The following MAP2 variants were observed in gnomAD, a reference collection of about 807,000 sequenced individuals.
The protein encoded by MAP2 is microtubule associated protein 2.
Under a neutral mutation model 137.6 loss-of-function variants are expected in MAP2, and 14 were observed. The ratio of observed to expected loss-of-function variants is 0.10; its 90% CI spans 0.07 to 0.16. The LOEUF (loss-of-function observed/expected upper bound fraction) is 0.16, where lower values mean the gene tolerates loss of function less well. Ranked by LOEUF, MAP2 falls within the 10% of genes least tolerant of loss-of-function variation. The pLI is 1.00. For missense variants in MAP2, 2,088 were observed against 2,191.5 expected, an observed-to-expected ratio of 0.95 and a Z score of 0.94; for synonymous variants, 786 against 782.3, an observed-to-expected ratio of 1.00 and a Z score of -0.08.
intron 5 of MAP2, among the ~76,000 whole-genome samples, chr2:209,667,389 CT>C (rs970283842): frequency 2.2e-4 from 34 of 151,778 alleles, no homozygotes; most frequent in Admixed American, 4.6e-4. Context: ...GGGGTGGTCT[CT>C]GTAAAAGTTG....
At chr2:209,507,054 C>G (rs2061160348) in intron 1 of MAP2, among the ~76,000 whole-genome samples, 2 of 152,094 alleles carry the variant, frequency 1.3e-5, no homozygotes, top group South Asian at 4.2e-4. Context: ...TATAAAGGCA[C>G]AGTCCACTTT....
intron 5 of MAP2, among the ~76,000 whole-genome samples, chr2:209,672,226 A>G (rs1485448195): frequency 2.6e-5 from 4 of 151,800 alleles, no homozygotes; most frequent in Non-Finnish European, 2.9e-5. Context: ...AGTTTAAATA[A>G]TAAGTGGCAG....
At chr2:209,691,041 T>G (rs2058719663) in intron 7 of MAP2, among the ~76,000 whole-genome samples, 1 of 152,222 alleles carries the variant, frequency 6.6e-6, no homozygotes, top group Admixed American at 6.5e-5. Context: ...TTTCCAGTGC[T>G]GCAGCTGATT....
chr2:209,653,291 C>G lies in MAP2; in HGVS notation c.121C>G (p.Leu41Val). 1 of 1,614,146 alleles carries G rather than the reference C, an allele frequency of 6.2e-7. No homozygotes were observed. The highest frequency in any genetic ancestry group is 1.3e-5 in the African/African-American group (1 of 75,052). The change falls in exon 5 of 16, where the codon CTT becomes GTT. Residue 41 changes from leucine to valine, a missense_variant. Transcript: ENST00000682079. ...GGATCAAGGCGGAGCAGGGGAAGGA[C>G]TTGTCCGAAGCGCCAATGGATTCCC... ...IKDQGGAGEG[L>V]VRSANGFPYR... is the part of the protein sequence containing the mutation.
At chr2:209,654,936 GGGC>G (rs2095046071) in intron 5 of MAP2, among the ~76,000 whole-genome samples, 3 of 152,130 alleles carry the variant, frequency 2.0e-5, no homozygotes, top group Admixed American at 1.3e-4. Flanking sequence ...TTTGTCCCTT[GGGC>G]TCTCGCCAGT....
chr2:209,487,089 T>A (rs1019003004), intron 1 of MAP2, among the ~76,000 whole-genome samples: 5 of 152,234 alleles, frequency 3.3e-5, no homozygotes, highest in African/African-American at 1.2e-4. Flanking sequence ...ATATACTTTA[T>A]GATAAATAGG....
chr2:209,719,717 G>A (rs962411493), intron 13 of MAP2, among the ~76,000 whole-genome samples: 7 of 152,190 alleles, frequency 4.6e-5, no homozygotes, highest in African/African-American at 1.7e-4. Context: ...TATCCAGAAA[G>A]AAATTACAAT....
intron 1 of MAP2, among the ~76,000 whole-genome samples, chr2:209,486,671 G>A (rs2058426022): frequency 6.6e-6 from 1 of 152,326 alleles, no homozygotes. Flanking sequence ...CATTTGTAAT[G>A]TTTTGCTTGT....
At chr2:209,552,692 C>A (rs1474628665) in intron 2 of MAP2, among the ~76,000 whole-genome samples, 1 of 152,010 alleles carries the variant, frequency 6.6e-6, no homozygotes, top group African/African-American at 2.4e-5. Context: ...GAAACCCCAT[C>A]TCTACTAAAA....
intron 1 of MAP2, among the ~76,000 whole-genome samples, chr2:209,444,319 A>G (rs1574992523): frequency 1.3e-5 from 2 of 151,782 alleles, no homozygotes; most frequent in South Asian, 4.1e-4. Context: ...GATTAATTAT[A>G]TTACTCAGTC....
At chr2:209,544,597 G>A (rs1432133545) in intron 2 of MAP2, among the ~76,000 whole-genome samples, 1 of 152,186 alleles carries the variant, frequency 6.6e-6, no homozygotes, top group Non-Finnish European at 1.5e-5. Context: ...TACCGATGAA[G>A]CCGCATCTCT....
chr2:209,655,483 T>G (rs16843396), intron 5 of MAP2, among the ~76,000 whole-genome samples: 5,030 of 152,328 alleles, frequency 0.033, 270 homozygotes, highest in African/African-American at 0.11. Context: ...ACAGAGGATG[T>G]TCCAGTGATG....
chr2:209,632,774 T>C (rs2093210120), intron 4 of MAP2, among the ~76,000 whole-genome samples: 1 of 152,146 alleles, frequency 6.6e-6, no homozygotes, highest in African/African-American at 2.4e-5. Context: ...TTCCTAAATC[T>C]GGCCAGGCAC....
rs1359773527 is a variant in MAP2, at chr2:209,573,421, G to A, written c.-171-6615G>A. ...CAATTCTCCTGCCTTAGCCTCCTGA[G>A]TAGCTGGGATTACAGGTGTGAGCCA... is the stretch of plus-strand genomic sequence containing the variant. On this transcript the variant is annotated intron_variant, in intron 2 of 15. Transcript: ENST00000682079. Among the ~76,000 whole-genome samples the A allele has an allele frequency of 2.6e-5, 4 of 151,026 alleles. No homozygotes were observed. In the East Asian group the frequency reaches 7.8e-4, roughly 30 times the overall value.
Position 209,473,107 on chromosome 2 carries a change from C to T in MAP2, c.-221-34485C>T, listed in dbSNP as rs377289848. Among the ~76,000 whole-genome samples, 77 of 152,212 alleles carry T rather than the reference C, an allele frequency of 5.1e-4. 1 individual carries two copies. In the Middle Eastern group the frequency reaches 0.01, roughly 20 times the overall value. On this transcript the variant is annotated intron_variant, in intron 1 of 15. Transcript: ENST00000682079. Reference sequence around the variant, plus strand: ...TAAAGTATGTCACAAATTGTCCTCCCCACATCAACTATTATTGCACTTCCT... The same window carrying T: ...TAAAGTATGTCACAAATTGTCCTCCTCACATCAACTATTATTGCACTTCCT...
At chr2:209,448,348 C>T (rs1699577005) in intron 1 of MAP2, among the ~76,000 whole-genome samples, 1 of 152,074 alleles carries the variant, frequency 6.6e-6, no homozygotes, top group Non-Finnish European at 1.5e-5. Flanking sequence ...AAGCTGGCAG[C>T]CAATCTTGCG....
intron 7 of MAP2, among the ~76,000 whole-genome samples, chr2:209,686,246 A>C (rs1047773402): frequency 6.6e-6 from 1 of 152,232 alleles, no homozygotes; most frequent in African/African-American, 2.4e-5. Flanking sequence ...ATTGTGGCTG[A>C]GAAAGTTCTG....
intron 3 of MAP2, among the ~76,000 whole-genome samples, chr2:209,605,065 A>T (rs562516925): frequency 6.6e-6 from 1 of 152,200 alleles, no homozygotes; most frequent in Non-Finnish European, 1.5e-5. Flanking sequence ...ATGCGTGTGT[A>T]TGCAAATGTG....
chr2:209,583,769 A>ATT (rs3036666), intron 3 of MAP2, among the ~76,000 whole-genome samples: 128,551 of 148,406 alleles, frequency 0.87, 56,700 homozygotes, highest in Non-Finnish European at 0.95. Context: ...GACATAAATG[A>ATT]TTTTTTTTTT....
Sources: allele counts gnomAD v4.1 joint callset (sites outside exome capture counted in the v4.1 genomes callset), GRCh38; gene constraint gnomAD v4.1.1; transcripts MANE v1.5; gene names NCBI Gene and HGNC (gene_info 2026-07-23, HGNC 2026-07-21).